Variants in ATP11A observed in about 807,000 individuals in gnomAD.
ATP11A encodes ATPase phospholipid transporting 11A.
ATP11A carries 81 observed loss-of-function variants against 154.4 expected under a neutral mutation model. The observed-to-expected ratio is 0.52, with a 90% CI of 0.44 to 0.63. The LOEUF is 0.63. Ranked by LOEUF, ATP11A falls within the 30% of genes least tolerant of loss-of-function variation. The pLI is 0.00. For missense variants in ATP11A, 1,316 were observed against 1,474.3 expected, an observed-to-expected ratio of 0.89 and a Z score of 1.76; for synonymous variants, 623 against 585.9, an observed-to-expected ratio of 1.06 and a Z score of -0.91.
chr13:112,832,360 C>T (rs1566545329), intron 13 of ATP11A, among the ~76,000 whole-genome samples: 1 of 152,234 alleles, frequency 6.6e-6, no homozygotes, highest in Non-Finnish European at 1.5e-5. Flanking sequence ...GCTCCAACTT[C>T]TTAAGGGGTT....
At chr13:112,814,546 A>G (rs1477018083) in intron 5 of ATP11A, among the ~76,000 whole-genome samples, 1 of 152,200 alleles carries the variant, frequency 6.6e-6, no homozygotes, top group East Asian at 1.9e-4. Flanking sequence ...GGTTTCAGTC[A>G]GGTTTGTTTC....
chr13:112,814,784 C>T (rs772069695), intron 5 of ATP11A, among the ~76,000 whole-genome samples: 9 of 152,184 alleles, frequency 5.9e-5, no homozygotes, highest in African/African-American at 1.4e-4. Context: ...ATTGGGGATA[C>T]GTATTCCTTC....
At chr13:112,720,847 A>G (rs1191982397) in intron 1 of ATP11A, among the ~76,000 whole-genome samples, 1 of 152,072 alleles carries the variant, frequency 6.6e-6, no homozygotes, top group Non-Finnish European at 1.5e-5. Flanking sequence ...CGTGATGTCT[A>G]CTTTGACATC....
At chr13:112,863,530 A>G (rs75234336) in intron 25 of ATP11A, among the ~76,000 whole-genome samples, 3,405 of 58,922 alleles carry the variant, frequency 0.058, no homozygotes, top group Middle Eastern at 0.17. Context: ...ATAATTCAGC[A>G]TAGCACGTGC....
intron 25 of ATP11A, among the ~76,000 whole-genome samples, chr13:112,863,426 G>C (rs1276322282): frequency 2.6e-3 from 139 of 53,150 alleles, no homozygotes; most frequent in East Asian, 6.4e-3. Flanking sequence ...TTCAGTGCAG[G>C]CCCTGCAGCT....
At chr13:112,719,548 G>A (rs535245172) in intron 1 of ATP11A, among the ~76,000 whole-genome samples, 49 of 152,294 alleles carry the variant, frequency 3.2e-4, no homozygotes, top group East Asian at 1.2e-3. Flanking sequence ...ACGGGGCAGC[G>A]TCCGTTCTAC....
At chr13:112,701,924 G>A (rs1055757739) in intron 1 of ATP11A, among the ~76,000 whole-genome samples, 1 of 152,126 alleles carries the variant, frequency 6.6e-6, no homozygotes, top group African/African-American at 2.4e-5. Flanking sequence ...CTTGTGTCTC[G>A]GCATCCTGTG....
intron 1 of ATP11A, among the ~76,000 whole-genome samples, chr13:112,712,411 G>A (rs187677964): frequency 3.0e-4 from 46 of 152,314 alleles, no homozygotes; most frequent in African/African-American, 1.1e-3. Flanking sequence ...CTACCTGGAT[G>A]TCTTCATTGT....
intron 5 of ATP11A, among the ~76,000 whole-genome samples, chr13:112,814,386 A>G (rs1370317516): frequency 6.6e-6 from 1 of 150,698 alleles, no homozygotes; most frequent in Non-Finnish European, 1.5e-5. Flanking sequence ...TCTTTTGAGG[A>G]CTGTACGTTC....
At chr13:112,714,152 C>T (rs548034683) in intron 1 of ATP11A, among the ~76,000 whole-genome samples, 15 of 150,228 alleles carry the variant, frequency 1.0e-4, no homozygotes, top group Non-Finnish European at 2.1e-4. Context: ...TCCTCCCACC[C>T]GGCTTCCTTT....
At position 112,882,333 on chromosome 13, in the gene ATP11A, C is replaced by G. The variant is rs2080905743; in HGVS notation, c.*467C>G. The G allele has an allele frequency of 7.9e-6, 3 of 379,108 alleles. No individual in the cohort carries two copies. Among genetic ancestry groups the G allele is most frequent in the Non-Finnish European group, 4.9e-6 (1 of 202,500 alleles). The allele number at this position is 379,108 out of a possible 1,614,324, so 23.5% of individuals were successfully genotyped here. A position where few individuals can be genotyped will look rare whatever the true frequency, so the allele number is the denominator to read the frequency against. On this transcript the variant is annotated 3_prime_UTR_variant, in exon 30 of 30. Coordinates refer to ENST00000375645, the MANE Select transcript of ATP11A (RefSeq NM_015205.3). The surrounding 1 kb of genome is among the most constrained non-coding windows in gnomAD (Gnocchi z 5.1). Reference sequence around the variant, plus strand: ...CTGCCATCATTGGCCTTTGCTGTCACTGGGAGAGAAGAGCCGTCCAGGGAC... The same window carrying G: ...CTGCCATCATTGGCCTTTGCTGTCAGTGGGAGAGAAGAGCCGTCCAGGGAC...
rs1024441842 is a variant in ATP11A, at chr13:112,753,828, A to G, written c.40-31307A>G. Among the ~76,000 whole-genome samples, 2 of 152,232 alleles carry G rather than the reference A, an allele frequency of 1.3e-5. No individual in the cohort carries two copies. Among genetic ancestry groups the G allele is most frequent in the African/African-American group, 4.8e-5 (2 of 41,456 alleles). On this transcript the variant is annotated intron_variant, in intron 1 of 29. Transcript: ENST00000375645. This position sits in a 1 kb window ranked among gnomAD's most constrained non-coding sequence, Gnocchi z 4.1. ...ACATAAATTATTTAACTGCAGTCAAACAGGCTTATGTTAGAAGCGCTTTTT... is the reference window on the plus strand; with the variant it reads ...ACATAAATTATTTAACTGCAGTCAAGCAGGCTTATGTTAGAAGCGCTTTTT...
chr13:112,822,464 C>T (rs953121588), intron 8 of ATP11A, among the ~76,000 whole-genome samples: 1 of 151,990 alleles, frequency 6.6e-6, no homozygotes, highest in African/African-American at 2.4e-5. Flanking sequence ...ATTTACATGT[C>T]CCCCCCATTC....
intron 1 of ATP11A, among the ~76,000 whole-genome samples, chr13:112,742,658 T>C (rs143925622): frequency 6.6e-6 from 1 of 152,350 alleles, no homozygotes; most frequent in East Asian, 1.9e-4. Flanking sequence ...CCTGAGGCAG[T>C]CTCAGCCTGC....
chr13:112,726,460 G>T (rs1889903738), intron 1 of ATP11A, among the ~76,000 whole-genome samples: 1 of 152,224 alleles, frequency 6.6e-6, no homozygotes, highest in Non-Finnish European at 1.5e-5. Flanking sequence ...AGGTGCTGGG[G>T]GACAGGCCTA....
chr13:112,861,593 C>T (rs2080104728), intron 24 of ATP11A, among the ~76,000 whole-genome samples: 1 of 152,276 alleles, frequency 6.6e-6, no homozygotes, highest in African/African-American at 2.4e-5. Context: ...AGACCACTCA[C>T]TTCCCTGCCT....
chr13:112,775,909 C>T (rs375924343), intron 1 of ATP11A, among the ~76,000 whole-genome samples: 14 of 152,202 alleles, frequency 9.2e-5, no homozygotes, highest in African/African-American at 2.2e-4. Flanking sequence ...ACAGCAAGTA[C>T]GCCCCCGTCC....
At chr13:112,740,626 C>T (rs985174117) in intron 1 of ATP11A, among the ~76,000 whole-genome samples, 1 of 152,200 alleles carries the variant, frequency 6.6e-6, no homozygotes, top group South Asian at 2.1e-4. Flanking sequence ...AAAAGACCTG[C>T]ACGGAGAAGA....
intron 25 of ATP11A, among the ~76,000 whole-genome samples, chr13:112,868,125 T>C (rs1284815032): frequency 2.6e-5 from 4 of 152,360 alleles, no homozygotes; most frequent in African/African-American, 9.6e-5. Flanking sequence ...ACAACAGTTA[T>C]TTGTTGAACA....
Sources: gnomAD v4.1 joint callset for allele counts (sites outside exome capture counted in the v4.1 genomes callset) on GRCh38, gnomAD v4.1.1 for gene constraint, Gnocchi (gnomAD v3.1) non-coding constraint, MANE v1.5 for transcripts, NCBI Gene and HGNC (gene_info 2026-07-23, HGNC 2026-07-21) for gene names.